The following TRAF3IP1 variants were observed in gnomAD, a reference collection of about 807,000 sequenced individuals.
The protein encoded by TRAF3IP1 is intraflagellar transport 54, also known as TRAF3-interacting protein 1.
In TRAF3IP1, 53 loss-of-function variants were observed where a neutral mutation model predicts 89.9. The ratio of observed to expected loss-of-function variants is 0.59; its 90% CI spans 0.47 to 0.74. The LOEUF is 0.74. Ranked by LOEUF, TRAF3IP1 falls within the 30% of genes least tolerant of loss-of-function variation. The pLI, the probability that TRAF3IP1 is intolerant of heterozygous loss-of-function variation, is 0.00. For missense variants in TRAF3IP1, 806 were observed against 866.1 expected (o/e 0.93, Z 0.87); for synonymous variants, 311 against 322.1 (o/e 0.97, Z 0.37).
intron 8 of TRAF3IP1, among the ~76,000 whole-genome samples, chr2:238,339,947 C>T (rs947112997): frequency 2.6e-5 from 4 of 151,936 alleles, no homozygotes; most frequent in South Asian, 2.1e-4. Flanking sequence ...AAACTGCAAA[C>T]GTGGTTTCTG....
intron 15 of TRAF3IP1, among the ~76,000 whole-genome samples, chr2:238,391,914 T>G (rs570553654): frequency 1.3e-5 from 2 of 152,336 alleles, no homozygotes; most frequent in South Asian, 4.1e-4. Context: ...AATGAGACAT[T>G]TACTAATTTG....
intron 16 of TRAF3IP1, among the ~76,000 whole-genome samples, chr2:238,398,440 G>C (rs943052983): frequency 6.8e-6 from 1 of 147,550 alleles, no homozygotes; most frequent in Non-Finnish European, 1.5e-5. Flanking sequence ...GAACATAGGT[G>C]GGGGGTAGTG....
chr2:238,326,475 C>T (rs1366652623), intron 3 of TRAF3IP1, among the ~76,000 whole-genome samples: 1 of 152,120 alleles, frequency 6.6e-6, no homozygotes, highest in Non-Finnish European at 1.5e-5. Context: ...TTCTCTCTCT[C>T]TCGGTTGCTG....
rs767518190 is a variant in TRAF3IP1, at chr2:238,397,644, C to T, written c.1875C>T (p.Asn625=). The T allele has an allele frequency of 5.6e-6, 9 of 1,610,798 alleles. No homozygotes were observed. The East Asian group carries it at 2.0e-4, about 36-fold the overall frequency. Residue 625 remains asparagine, a synonymous_variant, in exon 16 of 17, where the codon AAC becomes AAT. Coordinates refer to ENST00000373327, the MANE Select transcript of TRAF3IP1 (RefSeq NM_015650.4). ...QNELQMWHSE[N]RQHAEALQQE... Reference sequence around the variant, plus strand: ...AGCTGCAGATGTGGCACAGCGAGAACAGGCAGCACGCCGAGGCCCTGCAGC... The same window carrying T: ...AGCTGCAGATGTGGCACAGCGAGAATAGGCAGCACGCCGAGGCCCTGCAGC...
Position 238,397,681 on chromosome 2 carries a change from TG to T in TRAF3IP1, c.1910+8del, listed in dbSNP as rs772395331. On this transcript the variant is annotated splice_donor_region_variant and intron_variant, in intron 16 of 16. Coordinates refer to ENST00000373327, the MANE Select transcript of TRAF3IP1 (RefSeq NM_015650.4). ...CGAGGCCCTGCAGCAGGAGCAGAGG[TG>T]GGGGGTAGTAATGGGGAGGGGGCCC... 13 of 1,458,404 alleles carry T rather than the reference TG, an allele frequency of 8.9e-6. No homozygotes were observed. The African/African-American group carries it at 1.6e-4, about 18-fold the overall frequency. The allele number at this position is 1,458,404 out of a possible 1,614,324, so 90.3% of individuals were successfully genotyped here.
chr2:238,332,369 C>T lies in TRAF3IP1; in HGVS notation c.916-455C>T, dbSNP rs570362431. 4.6e-5 allele frequency among the ~76,000 whole-genome samples: 7 copies of T among 152,272 alleles called. No individual in the cohort carries two copies. The South Asian group carries it at 6.2e-4, about 14-fold the overall frequency. On this transcript the variant is annotated intron_variant, in intron 5 of 16. Coordinates refer to ENST00000373327, the MANE Select transcript of TRAF3IP1 (RefSeq NM_015650.4). ...CCTCACTTAAAGTCTGAAGCCTTTGCGTAAAAAGAATTGCCCCATTCTATT... is the reference window on the plus strand; with the variant it reads ...CCTCACTTAAAGTCTGAAGCCTTTGTGTAAAAAGAATTGCCCCATTCTATT...
chr2:238,338,330 A>T (rs200355598), intron 7 of TRAF3IP1, 32 bp from the exon 8 acceptor site: 2 of 1,313,056 alleles, frequency 1.5e-6, no homozygotes, highest in East Asian at 4.8e-5. Flanking sequence ...CTTTTATAAT[A>T]TTTTAATCTG....
intron 8 of TRAF3IP1, among the ~76,000 whole-genome samples, chr2:238,340,723 G>A (rs1698600412): frequency 6.6e-6 from 1 of 152,148 alleles, no homozygotes; most frequent in Non-Finnish European, 1.5e-5. Context: ...ATATGGAAAA[G>A]TAGAAAGAAT....
chr2:238,322,918 TAG>T lies in TRAF3IP1; in HGVS notation c.123+2134_123+2135del, dbSNP rs1309248183. 1.7e-4 allele frequency among the ~76,000 whole-genome samples: 26 copies of T among 152,222 alleles called. No individual in the cohort carries two copies. In the East Asian group the frequency reaches 4.8e-3, roughly 28 times the overall value. ...CATATTGGAAAGGATTTTCAGATAA[TAG>T]GTGGAGAGCCTCTTATGAAAATGCT... On this transcript the variant is annotated intron_variant, in intron 1 of 16. Transcript: ENST00000373327.
At chr2:238,329,868 A>G (rs958615149) in intron 5 of TRAF3IP1, among the ~76,000 whole-genome samples, 55 of 152,292 alleles carry the variant, frequency 3.6e-4, no homozygotes, top group African/African-American at 1.3e-3. Context: ...TGGAATTTTG[A>G]TCTGGGAGTG....
rs1471137532 is a variant in TRAF3IP1 at position 238,399,968 on chromosome 2, A to G, written c.*1049A>G. Reference sequence around the variant, plus strand: ...CTTAAGTTACTGTATAAAACATTTCATTGTGTTTGAAGACATACTTATGGG... The same window carrying G: ...CTTAAGTTACTGTATAAAACATTTCGTTGTGTTTGAAGACATACTTATGGG... On this transcript the variant is annotated 3_prime_UTR_variant, in exon 17 of 17. Coordinates refer to ENST00000373327, the MANE Select transcript of TRAF3IP1 (RefSeq NM_015650.4). The G allele has an allele frequency of 6.6e-6, 1 of 152,174 alleles. No homozygotes were observed. Among genetic ancestry groups the G allele is most frequent in the African/African-American group, 2.4e-5 (1 of 41,424 alleles). 9.4% of individuals were successfully genotyped at this position (152,174 alleles called of 1,614,324 possible).
intron 7 of TRAF3IP1, among the ~76,000 whole-genome samples, chr2:238,335,756 TTTTATTTTATTTTATTTA>T (rs1186977018): frequency 1.4e-5 from 2 of 138,332 alleles, no homozygotes; most frequent in African/African-American, 5.4e-5. Context: ...CGCTGGTTTA[TTTTATTTTATTTTATTTA>T]TTTATTTATT....
At chr2:238,386,555 T>C (rs112868620) in intron 15 of TRAF3IP1, among the ~76,000 whole-genome samples, 331 of 152,244 alleles carry the variant, frequency 2.2e-3, no homozygotes, top group African/African-American at 7.7e-3. Context: ...TCAGGTGATC[T>C]GCCCACCTGG....
chr2:238,339,121 C>T (rs576248470), intron 8 of TRAF3IP1, among the ~76,000 whole-genome samples: 9 of 152,302 alleles, frequency 5.9e-5, no homozygotes, highest in African/African-American at 1.7e-4. Flanking sequence ...GACTTTTACA[C>T]GTTCTGGAGC....
At chr2:238,393,511 G>A (rs1483757583) in intron 15 of TRAF3IP1, among the ~76,000 whole-genome samples, 3 of 152,098 alleles carry the variant, frequency 2.0e-5, no homozygotes, top group Non-Finnish European at 2.9e-5. Context: ...AGGGTCTTTC[G>A]CAGAGCAAAC....
intron 1 of TRAF3IP1, among the ~76,000 whole-genome samples, chr2:238,323,610 A>C (rs558172429): frequency 6.6e-6 from 1 of 152,308 alleles, no homozygotes; most frequent in Non-Finnish European, 1.5e-5. Flanking sequence ...GGAGGCTCTC[A>C]TTAGGGTGGG....
intron 7 of TRAF3IP1, among the ~76,000 whole-genome samples, chr2:238,335,261 A>AT (rs200248761): frequency 1.5e-4 from 23 of 151,204 alleles, no homozygotes; most frequent in East Asian, 1.4e-3. Context: ...TTTATCATAC[A>AT]TTTTTTTTTA....
intron 13 of TRAF3IP1, 54 bp from the exon 14 acceptor site, chr2:238,353,119 C>T: frequency 6.2e-7 from 1 of 1,609,620 alleles, no homozygotes; most frequent in Non-Finnish European, 8.5e-7. Context: ...GAAGCATGAT[C>T]TTTAAAATTC....
At chr2:238,386,973 T>C (rs907432984) in intron 15 of TRAF3IP1, among the ~76,000 whole-genome samples, 1 of 152,366 alleles carries the variant, frequency 6.6e-6, no homozygotes, top group South Asian at 2.1e-4. Flanking sequence ...TTAATAATTA[T>C]TCATTATAGA....
Sources: allele counts gnomAD v4.1 joint callset (sites outside exome capture counted in the v4.1 genomes callset), GRCh38; gene constraint gnomAD v4.1.1; transcripts MANE v1.5; gene names NCBI Gene and HGNC (gene_info 2026-07-23, HGNC 2026-07-21).